The following MRE11 variants were observed in gnomAD, a reference collection of about 807,000 sequenced individuals.
MRE11 encodes MRE11 double strand break repair nuclease, also known as double-strand break repair protein MRE11.
MRE11 carries 62 observed loss-of-function variants against 91.7 expected under a neutral mutation model. The ratio of observed to expected loss-of-function variants is 0.68; its 90% CI spans 0.55 to 0.84. MRE11 has a LOEUF of 0.84. Ranked by LOEUF, MRE11 falls within the 40% of genes least tolerant of loss-of-function variation. The pLI is 0.00. For missense variants in MRE11, 796 were observed against 852.9 expected (o/e 0.93, Z 0.83); for synonymous variants, 273 against 271.4 (o/e 1.01, Z -0.06).
chr11:94,440,729 G>A (rs139562152), intron 16 of MRE11, among the ~76,000 whole-genome samples: 1 of 152,326 alleles, frequency 6.6e-6, no homozygotes, highest in Non-Finnish European at 1.5e-5. Context: ...GCATGTAACT[G>A]AGTACCCTCA....
At chr11:94,455,615 C>T (rs1327772134) in intron 14 of MRE11, among the ~76,000 whole-genome samples, 1 of 152,110 alleles carries the variant, frequency 6.6e-6, no homozygotes, top group East Asian at 1.9e-4. Context: ...AGATTCAAAC[C>T]TGCAATGAGA....
the MRE11 span, among the ~76,000 whole-genome samples, chr11:94,505,442 T>A: frequency 6.6e-6 from 1 of 152,120 alleles, no homozygotes; most frequent in African/African-American, 2.4e-5. Context: ...AAGTTTAAAA[T>A]TTAAAAATAT....
At chr11:94,472,375 A>G (rs1385492751) in intron 7 of MRE11, among the ~76,000 whole-genome samples, 1 of 152,128 alleles carries the variant, frequency 6.6e-6, no homozygotes, top group Non-Finnish European at 1.5e-5. Flanking sequence ...AACTTACATC[A>G]TTGGAGATTC....
At chr11:94,512,402 G>A in the MRE11 span, 4 of 1,076,494 alleles carry the variant, frequency 3.7e-6, no homozygotes, top group African/African-American at 6.5e-5. Flanking sequence ...TAGGGCCTCG[G>A]AAGGCCGGCT....
chr11:94,490,733 G>T (rs1947261956), intron 3 of MRE11, 100 bp downstream of exon 3: 8 of 1,365,048 alleles, frequency 5.9e-6, no homozygotes, highest in South Asian at 1.2e-5. Flanking sequence ...GGCAAGGTAA[G>T]CACCTGAGCT....
At chr11:94,486,867 G>A (rs1489057532) in intron 3 of MRE11, among the ~76,000 whole-genome samples, 1 of 152,174 alleles carries the variant, frequency 6.6e-6, no homozygotes, top group Non-Finnish European at 1.5e-5. Context: ...AAATCATACA[G>A]AAAAAGTCTA....
intron 16 of MRE11, among the ~76,000 whole-genome samples, chr11:94,443,421 C>T (rs927738275): frequency 3.3e-5 from 5 of 152,160 alleles, no homozygotes; most frequent in Non-Finnish European, 5.9e-5. Flanking sequence ...TAAGTACCTA[C>T]CCCACAGACC....
upstream of MRE11, chr11:94,494,072 G>GA (rs1163795251): frequency 6.6e-6 from 1 of 152,334 alleles, no homozygotes; most frequent in African/African-American, 2.4e-5. Context: ...CTCGCTTTTT[G>GA]ATGGACCGGC....
intron 4 of MRE11, among the ~76,000 whole-genome samples, chr11:94,485,176 C>G (rs1947108137): frequency 3.3e-5 from 5 of 152,126 alleles, no homozygotes; most frequent in Admixed American, 3.3e-4. Context: ...ATTGCTTGAA[C>G]CCAGGAGGCA....
intron 18 of MRE11, 47 bp from the exon 19 acceptor site, chr11:94,430,033 C>G (rs1457046162): frequency 6.3e-7 from 1 of 1,585,642 alleles, no homozygotes; most frequent in Admixed American, 1.7e-5. Context: ...CTACATAATT[C>G]ATCAAGTGTG....
chr11:94,460,443 G>T (rs1946385268), intron 12 of MRE11, among the ~76,000 whole-genome samples: 1 of 152,130 alleles, frequency 6.6e-6, no homozygotes, highest in Non-Finnish European at 1.5e-5. Context: ...CCAAATGTGA[G>T]AAAACTAAAT....
chr11:94,510,274 A>G, the MRE11 span, among the ~76,000 whole-genome samples: 1 of 152,234 alleles, frequency 6.6e-6, no homozygotes, highest in Non-Finnish European at 1.5e-5. Context: ...CAAATTTACT[A>G]GCATCAAATT....
chr11:94,438,335 G>A (rs968432167), intron 16 of MRE11, among the ~76,000 whole-genome samples: 2 of 152,204 alleles, frequency 1.3e-5, no homozygotes, highest in East Asian at 1.9e-4. Context: ...GAAAACTAAC[G>A]AATCTTTCTA....
chr11:94,488,930 CT>C (rs1431894248), intron 3 of MRE11, among the ~76,000 whole-genome samples: 1 of 151,976 alleles, frequency 6.6e-6, no homozygotes, highest in African/African-American at 2.4e-5. Flanking sequence ...ACATGTACCC[CT>C]GAACCTAAAA....
chr11:94,437,311 A>G, intron 16 of MRE11, 76 bp from the exon 17 acceptor site: 1 of 1,415,492 alleles, frequency 7.1e-7, no homozygotes, highest in South Asian at 1.3e-5. Flanking sequence ...TTCTTTAGCT[A>G]AAGATTTTCT....
intron 14 of MRE11, among the ~76,000 whole-genome samples, chr11:94,451,921 C>A (rs1361102247): frequency 2.0e-5 from 3 of 152,156 alleles, no homozygotes; most frequent in East Asian, 3.9e-4. Flanking sequence ...AAGACCAATA[C>A]CCGGCCAGGC....
chr11:94,429,795 C>T (rs1215598881), intron 19 of MRE11, 116 bp downstream of exon 19: 2 of 878,206 alleles, frequency 2.3e-6, no homozygotes, highest in African/African-American at 1.7e-5. Context: ...ACTCCCTGAA[C>T]ATAAAAGATG....
At chr11:94,432,447 C>G (rs116922221) in intron 18 of MRE11, among the ~76,000 whole-genome samples, 1 of 152,180 alleles carries the variant, frequency 6.6e-6, no homozygotes, top group Non-Finnish European at 1.5e-5. Context: ...TGAGGTGATC[C>G]TATCCATCCC....
intron 4 of MRE11, 146 bp downstream of exon 4, chr11:94,485,778 T>C: frequency 1.3e-6 from 1 of 758,214 alleles, no homozygotes; most frequent in Non-Finnish European, 2.1e-6. Context: ...TATAAATTAA[T>C]ACAATGATGT....
Sources: gnomAD v4.1 joint callset for allele counts (sites outside exome capture counted in the v4.1 genomes callset) on GRCh38, gnomAD v4.1.1 for gene constraint, MANE v1.5 for transcripts, NCBI Gene and HGNC (gene_info 2026-07-23, HGNC 2026-07-21) for gene names.